Variants in KLF16 observed in about 807,000 individuals in gnomAD.
The protein encoded by KLF16 is KLF transcription factor 16, also known as Krueppel-like factor 16.
KLF16 carries 6 observed loss-of-function variants against 6.1 expected under a neutral mutation model. The ratio of observed to expected loss-of-function variants is 0.98; its 90% CI spans 0.54 to 1.93. The LOEUF (loss-of-function observed/expected upper bound fraction) is 1.93. Among genes scored for constraint, KLF16 ranks in the 30% most tolerant of loss-of-function variants. The pLI, the probability that KLF16 is intolerant of heterozygous loss-of-function variation, is 0.01. For missense variants in KLF16, 355 were observed against 363.8 expected (o/e 0.98, Z 0.20); for synonymous variants, 211 against 176.5 (o/e 1.20, Z -1.55).
intron 1 of KLF16, among the ~76,000 whole-genome samples, chr19:1,859,749 C>T (rs930990503): frequency 5.3e-5 from 8 of 152,148 alleles, no homozygotes; most frequent in Non-Finnish European, 8.8e-5. Context: ...AGTCCTGGGG[C>T]GCGGGGACTG....
At chr19:1,867,677 T>C (rs2012208970), upstream of KLF16, among the ~76,000 whole-genome samples, 1 of 152,000 alleles carries the variant, frequency 6.6e-6, no homozygotes, top group African/African-American at 2.4e-5. Context: ...AACAGCCTGG[T>C]CGACATGATG....
upstream of KLF16, among the ~76,000 whole-genome samples, chr19:1,866,612 CAAA>C (rs148043121): frequency 1.5e-5 from 2 of 129,470 alleles, no homozygotes; most frequent in African/African-American, 5.9e-5. Context: ...GAAACTGTCT[CAAA>C]AAAAAAAAAA....
chr19:1,858,137 G>C lies in KLF16; in HGVS notation c.458-3377C>G, dbSNP rs146741628. Among the ~76,000 whole-genome samples the C allele has an allele frequency of 2.8e-3, 421 of 151,732 alleles. 2 individuals carry two copies. Among genetic ancestry groups the C allele is most frequent in the Non-Finnish European group, 3.9e-3 (266 of 67,934 alleles). ...CACGCAGGCAGGCATACCCACCCTTGTGTCAATCCCGTACCTCCCCACGTG... is the reference window on the plus strand; with the variant it reads ...CACGCAGGCAGGCATACCCACCCTTCTGTCAATCCCGTACCTCCCCACGTG... On this transcript the variant is annotated intron_variant, in intron 1 of 1. Coordinates refer to ENST00000250916, the MANE Select transcript of KLF16 (RefSeq NM_031918.4).
At chr19:1,855,963 G>C (rs1233801491) in intron 1 of KLF16, among the ~76,000 whole-genome samples, 1 of 152,248 alleles carries the variant, frequency 6.6e-6, no homozygotes, top group Non-Finnish European at 1.5e-5. Context: ...TAGCAAAAGA[G>C]ACGTCAGAAC....
chr19:1,863,556 C>T lies in KLF16; in HGVS notation c.-59G>A, dbSNP rs1328718761. The T allele has an allele frequency of 2.3e-6, 2 of 864,652 alleles. No individual in the cohort carries two copies. Among genetic ancestry groups the T allele is most frequent in the Admixed American group, 1.3e-4 (2 of 15,608 alleles). 53.6% of individuals were successfully genotyped at this position (864,652 alleles called of 1,614,324 possible). On this transcript the variant is annotated 5_prime_UTR_variant, in exon 1 of 2. Coordinates refer to ENST00000250916, the MANE Select transcript of KLF16 (RefSeq NM_031918.4). Reference sequence around the variant, plus strand: ...CGGAGGCGGCGGGAGCGGCGTCCGTCCGGCCGGCGGCGGCTGCTCGAGTGC... The same window carrying T: ...CGGAGGCGGCGGGAGCGGCGTCCGTTCGGCCGGCGGCGGCTGCTCGAGTGC...
At chr19:1,872,729 G>T in the KLF16 span, among the ~76,000 whole-genome samples, 1 of 152,112 alleles carries the variant, frequency 6.6e-6, no homozygotes, top group African/African-American at 2.4e-5. Flanking sequence ...CGAGTGCCGA[G>T]GGAGCGCGGG....
At chr19:1,864,598 G>A (rs1407147652), upstream of KLF16, among the ~76,000 whole-genome samples, 1 of 152,204 alleles carries the variant, frequency 6.6e-6, no homozygotes, top group Admixed American at 6.5e-5. Context: ...TGGGCTGGGG[G>A]CGCCTGAGCG....
intron 1 of KLF16, among the ~76,000 whole-genome samples, chr19:1,855,324 G>A (rs2011926128): frequency 6.6e-6 from 1 of 152,170 alleles, no homozygotes; most frequent in African/African-American, 2.4e-5. Context: ...CCCTCCACGA[G>A]CAAGGGGGCA....
chr19:1,870,181 C>T, the KLF16 span, among the ~76,000 whole-genome samples: 13 of 147,422 alleles, frequency 8.8e-5, no homozygotes, highest in East Asian at 2.1e-4. Context: ...CTGCCCGCCT[C>T]GGCCTCCCAA....
In KLF16 at chr19:1,863,508, G is replaced by T; in HGVS notation, c.-11C>A. ...CACGGCCGCCGACATGCCGAGCAAG[G>T]GCGCGCGGCGCGGCGGGCGGAGCGG... On this transcript the variant is annotated 5_prime_UTR_variant, in exon 1 of 2. Transcript: ENST00000250916. 1.0e-6 allele frequency: 1 copy of T among 988,774 alleles called. No homozygotes were observed. The highest frequency in any genetic ancestry group is 4.4e-5 in the South Asian group (1 of 22,872). The allele number at this position is 988,774 out of a possible 1,614,324, so 61.3% of individuals were successfully genotyped here. A position where few individuals can be genotyped will look rare whatever the true frequency, so the allele number is the denominator to read the frequency against.
intron 1 of KLF16, among the ~76,000 whole-genome samples, chr19:1,855,560 G>A (rs751746060): frequency 8.5e-5 from 13 of 152,204 alleles, no homozygotes; most frequent in Non-Finnish European, 1.9e-4. Context: ...CGCCAAGGCC[G>A]GGCCTCGCCC....
At chr19:1,874,654 C>A in the KLF16 span, among the ~76,000 whole-genome samples, 776 of 130,814 alleles carry the variant, frequency 5.9e-3, 3 homozygotes, top group Non-Finnish European at 9.1e-3. Flanking sequence ...GAAAAAAATA[C>A]AAACAAAGTC....
upstream of KLF16, among the ~76,000 whole-genome samples, chr19:1,863,772 T>G (rs1255665252): frequency 1.7e-5 from 2 of 116,252 alleles, no homozygotes; most frequent in African/African-American, 3.2e-5. Context: ...CCTCCACCAC[T>G]CTCCGAGCCG....
chr19:1,863,333 G>A lies in KLF16; in HGVS notation c.165C>T (p.Thr55=), dbSNP rs2012112514. ...AARREAASPG[T]PGPPPPPPAA... ...CGGGGGGCGGCGGGGGTGGCCCCGGGGTCCCGGGTGAGGCGGCCTCGCGGC... is the reference window on the plus strand; with the variant it reads ...CGGGGGGCGGCGGGGGTGGCCCCGGAGTCCCGGGTGAGGCGGCCTCGCGGC... Residue 55 remains threonine, a synonymous_variant, in exon 1 of 2, where the codon ACC becomes ACT. Coordinates refer to ENST00000250916, the MANE Select transcript of KLF16 (RefSeq NM_031918.4). 1.0e-6 allele frequency: 1 copy of A among 981,264 alleles called. No individual in the cohort carries two copies. Among genetic ancestry groups the A allele is most frequent in the Non-Finnish European group, 1.2e-6 (1 of 828,798 alleles). The allele number at this position is 981,264 out of a possible 1,614,324, so 60.8% of individuals were successfully genotyped here.
the KLF16 span, among the ~76,000 whole-genome samples, chr19:1,869,031 TAGACTTTTAAGAG>T: frequency 0.016 from 2,426 of 152,170 alleles, 33 homozygotes; most frequent in Non-Finnish European, 0.026. Context: ...AGAACCAAGA[TAGACTTTTAAGAG>T]ACTCAAGAGA....
rs1043870648 is a variant in KLF16 at position 1,857,531 on chromosome 19, G to A, written c.458-2771C>T. ...GCAGGCTCAGAAAAATGGAGTCCAGGAAGTCCTGGAAACCTGGCCCGGCCC... is the reference window on the plus strand; with the variant it reads ...GCAGGCTCAGAAAAATGGAGTCCAGAAAGTCCTGGAAACCTGGCCCGGCCC... On this transcript the variant is annotated intron_variant, in intron 1 of 1. Transcript: ENST00000250916. This position sits in a 1 kb window ranked among gnomAD's most constrained non-coding sequence, Gnocchi z 4.7. 2.6e-5 allele frequency among the ~76,000 whole-genome samples: 4 copies of A among 152,162 alleles called. No individual in the cohort carries two copies. The highest frequency in any genetic ancestry group is 2.0e-4 in the Admixed American group (3 of 15,278).
chr19:1,867,307 C>T (rs567833531), upstream of KLF16, among the ~76,000 whole-genome samples: 4 of 152,308 alleles, frequency 2.6e-5, no homozygotes, highest in East Asian at 5.8e-4. Context: ...CAGTGACTCA[C>T]GCCTGTAACC....
At chr19:1,862,520 C>T (rs1207879168) in intron 1 of KLF16, among the ~76,000 whole-genome samples, 2 of 151,902 alleles carry the variant, frequency 1.3e-5, no homozygotes, top group Non-Finnish European at 2.9e-5. Flanking sequence ...ACGTGCCGGG[C>T]TCCCCCCATC....
chr19:1,854,451 C>A lies in KLF16; in HGVS notation c.*8G>T, dbSNP rs1033178722. 1 of 1,398,292 alleles carries A rather than the reference C, an allele frequency of 7.2e-7. No individual in the cohort carries two copies. The highest frequency in any genetic ancestry group is 1.6e-5 in the South Asian group (1 of 62,524). 86.6% of individuals were successfully genotyped at this position (1,398,292 alleles called of 1,614,324 possible). On this transcript the variant is annotated 3_prime_UTR_variant, in exon 2 of 2. Transcript: ENST00000250916. ...ATCCTGGCGGTCAGGGTGGGCTGCA[C>A]GAGGGCCCTACAGGCCTGCGGGGGC...
Sources: allele counts gnomAD v4.1 joint callset (sites outside exome capture counted in the v4.1 genomes callset), GRCh38; gene constraint gnomAD v4.1.1; non-coding constraint Gnocchi (gnomAD v3.1); transcripts MANE v1.5; gene names NCBI Gene and HGNC (gene_info 2026-07-23, HGNC 2026-07-21).